Variants in CALN1 observed in about 807,000 individuals in gnomAD.
The protein encoded by CALN1 is calcium-binding protein 8.
CALN1 carries 17 observed loss-of-function variants against 30.6 expected under a neutral mutation model. The observed-to-expected ratio is 0.56, with a 90% confidence interval of 0.38 to 0.83. CALN1 has a LOEUF of 0.83. Ranked by LOEUF, CALN1 falls within the 40% of genes least tolerant of loss-of-function variation. The pLI, the probability that CALN1 is intolerant of heterozygous loss-of-function variation, is 0.00. For missense variants in CALN1, 291 were observed against 354.9 expected, an observed-to-expected ratio of 0.82 and a Z score of 1.45; for synonymous variants, 156 against 131.4, an observed-to-expected ratio of 1.19 and a Z score of -1.28.
chr7:71,807,609 G>T (rs1787695973), intron 6 of CALN1, among the ~76,000 whole-genome samples: 1 of 152,124 alleles, frequency 6.6e-6, no homozygotes. Flanking sequence ...CAAAATAACA[G>T]CTTTTTTAAA....
intron 5 of CALN1, among the ~76,000 whole-genome samples, chr7:71,961,983 A>G (rs1265592676): frequency 2.0e-5 from 3 of 152,038 alleles, no homozygotes; most frequent in Admixed American, 2.0e-4. Flanking sequence ...GCCTCATTAT[A>G]TCTTGTTTGT....
chr7:72,359,912 G>A (rs1803462374), intron 2 of CALN1, among the ~76,000 whole-genome samples: 1 of 136,450 alleles, frequency 7.3e-6, no homozygotes, highest in South Asian at 2.4e-4. Flanking sequence ...AGGAGGCGGA[G>A]CTTGCAGTGA....
intron 5 of CALN1, among the ~76,000 whole-genome samples, chr7:71,896,458 A>G (rs538141892): frequency 2.6e-5 from 4 of 152,350 alleles, no homozygotes; most frequent in Non-Finnish European, 5.9e-5. Flanking sequence ...TCATGCTTAC[A>G]AGGCCTGATG....
At chr7:71,935,526 C>G (rs1219098553) in intron 5 of CALN1, among the ~76,000 whole-genome samples, 1 of 152,114 alleles carries the variant, frequency 6.6e-6, no homozygotes, top group Non-Finnish European at 1.5e-5. Flanking sequence ...AGTTCGAGAC[C>G]AGGCTGGCCA....
intron 3 of CALN1, among the ~76,000 whole-genome samples, chr7:72,118,141 G>C (rs1419125448): frequency 6.6e-6 from 1 of 151,998 alleles, no homozygotes; most frequent in Non-Finnish European, 1.5e-5. Context: ...TTACCTCATA[G>C]CCAAAACCAC....
chr7:71,976,648 C>A (rs993030264), intron 5 of CALN1, among the ~76,000 whole-genome samples: 1 of 152,188 alleles, frequency 6.6e-6, no homozygotes, highest in South Asian at 2.1e-4. Flanking sequence ...CAGTGACTCA[C>A]GCTGAAACTG....
intron 3 of CALN1, among the ~76,000 whole-genome samples, chr7:72,153,753 A>G (rs949565711): frequency 6.6e-6 from 1 of 152,108 alleles, no homozygotes; most frequent in African/African-American, 2.4e-5. Context: ...GGAGGTCTGT[A>G]TGGTGCCCTG....
chr7:72,290,081 A>C (rs1006187699), intron 2 of CALN1, among the ~76,000 whole-genome samples: 1 of 2,998 alleles, frequency 3.3e-4, no homozygotes, highest in African/African-American at 6.1e-4. Flanking sequence ...CCCTGTCTTA[A>C]AAAAAAAAAA....
At chr7:72,316,940 C>CT (rs1491369124) in intron 2 of CALN1, among the ~76,000 whole-genome samples, 2 of 147,304 alleles carry the variant, frequency 1.4e-5, no homozygotes, top group Admixed American at 6.9e-5. Context: ...GCAAGACTGC[C>CT]TCTCAAAAGA....
chr7:72,476,383 T>A, the CALN1 span, among the ~76,000 whole-genome samples: 2 of 152,266 alleles, frequency 1.3e-5, no homozygotes, highest in East Asian at 3.9e-4. Context: ...CCTTTATAAA[T>A]TACCCAGTCT....
intron 3 of CALN1, among the ~76,000 whole-genome samples, chr7:72,183,321 G>T (rs1268735394): frequency 6.6e-6 from 1 of 152,176 alleles, no homozygotes; most frequent in Non-Finnish European, 1.5e-5. Flanking sequence ...AAGGCAAGGA[G>T]GGGGAGAGGG....
chr7:71,891,968 AT>A (rs1246457810), intron 5 of CALN1, among the ~76,000 whole-genome samples: 4 of 150,994 alleles, frequency 2.6e-5, no homozygotes, highest in Admixed American at 1.3e-4. Flanking sequence ...AAAAAAAAAA[AT>A]AACAAGTGCT....
intron 5 of CALN1, among the ~76,000 whole-genome samples, chr7:71,831,138 A>T (rs1343860670): frequency 6.6e-6 from 1 of 152,122 alleles, no homozygotes; most frequent in African/African-American, 2.4e-5. Flanking sequence ...CAGGTCATTT[A>T]ATGACTTGGA....
intron 2 of CALN1, among the ~76,000 whole-genome samples, chr7:72,362,582 GGT>G (rs2129559860): frequency 6.6e-6 from 1 of 152,200 alleles, no homozygotes; most frequent in East Asian, 1.9e-4. Flanking sequence ...GATTCTCCAT[GGT>G]GGCCTGGTTC....
At chr7:72,197,178 C>CTTTTTTTTTTTT (rs386410439) in intron 3 of CALN1, among the ~76,000 whole-genome samples, 1 of 64,208 alleles carries the variant, frequency 1.6e-5, no homozygotes, top group African/African-American at 6.2e-5. Flanking sequence ...GGAAGGTTTG[C>CTTTTTTTTTTTT]TTTTTTTTTT....
intron 2 of CALN1, among the ~76,000 whole-genome samples, chr7:72,373,877 ATGCAT>A (rs1401989068): frequency 6.6e-6 from 1 of 152,240 alleles, no homozygotes; most frequent in African/African-American, 2.4e-5. Context: ...CAGAAAAATG[ATGCAT>A]TGCTTGTAGA....
At chr7:72,390,178 C>T (rs1347932323) in intron 2 of CALN1, among the ~76,000 whole-genome samples, 2 of 152,060 alleles carry the variant, frequency 1.3e-5, no homozygotes, top group Non-Finnish European at 2.9e-5. Flanking sequence ...CCCCTGTAAT[C>T]CCAGCACTTT....
intron 3 of CALN1, among the ~76,000 whole-genome samples, chr7:72,203,813 T>C (rs1187624571): frequency 6.6e-6 from 1 of 151,268 alleles, no homozygotes; most frequent in Non-Finnish European, 1.5e-5. Context: ...TTTAATAACA[T>C]TTTTTTTTCT....
At chr7:72,146,407 AC>A (rs1162560164) in intron 3 of CALN1, among the ~76,000 whole-genome samples, 13 of 152,234 alleles carry the variant, frequency 8.5e-5, no homozygotes, top group Admixed American at 7.2e-4. Flanking sequence ...AATCCAACTT[AC>A]AAGGGATGTG....
Sources: allele counts gnomAD v4.1 joint callset (sites outside exome capture counted in the v4.1 genomes callset), GRCh38; gene constraint gnomAD v4.1.1; transcripts MANE v1.5; gene names NCBI Gene and HGNC (gene_info 2026-07-23, HGNC 2026-07-21).